Variants in ANKRD12 observed in about 807,000 individuals in gnomAD.
ANKRD12 encodes the protein ankyrin repeat domain-containing protein 12.
In ANKRD12, 85 loss-of-function variants were observed where a neutral mutation model predicts 183.4. The ratio of observed to expected loss-of-function variants is 0.46; its 90% CI spans 0.39 to 0.56. The LOEUF (loss-of-function observed/expected upper bound fraction) is 0.56, where lower values mean the gene tolerates loss of function less well. Among genes scored for constraint, ANKRD12 ranks in the 20% least tolerant of loss-of-function variants. ANKRD12 has a pLI of 0.00. For missense variants in ANKRD12, 2,405 were observed against 2,357.1 expected (o/e 1.02, Z -0.42); for synonymous variants, 914 against 800.2 (o/e 1.14, Z -2.40).
intron 4 of ANKRD12, among the ~76,000 whole-genome samples, chr18:9,208,128 C>T (rs1341004569): frequency 6.6e-6 from 1 of 152,090 alleles, no homozygotes; most frequent in Non-Finnish European, 1.5e-5. Context: ...GTTCAGCTAT[C>T]CTATGACTGG....
chr18:9,275,484 G>GGC (rs780867562), intron 10 of ANKRD12, 40 bp from the exon 11 acceptor site: 1 of 1,583,800 alleles, frequency 6.3e-7, no homozygotes, highest in Non-Finnish European at 8.6e-7. Context: ...ACAAAAATTT[G>GGC]TTGAAGAATT....
At position 9,142,364 on chromosome 18, in the gene ANKRD12, C is replaced by T. The variant is rs1231758605; in HGVS notation, c.-52+5399C>T. On this transcript the variant is annotated intron_variant, in intron 1 of 12. Transcript: ENST00000262126. ...GTCAGCTAATCTGATGATACTGAGC[C>T]ATGGATTGAATCCAGGTTAAAAGTA... Among the ~76,000 whole-genome samples the T allele has an allele frequency of 2.6e-5, 4 of 152,172 alleles. No individual in the cohort carries two copies. In the East Asian group the frequency reaches 7.7e-4, roughly 29 times the overall value.
rs770078271 is a variant in ANKRD12, at chr18:9,254,792, C to G, written c.1525C>G (p.Leu509Val). Residue 509 changes from leucine (L) to valine (V), a missense_variant, in exon 9 of 13, where the codon CTA (leucine) becomes GTA (valine). Transcript: ENST00000262126. The stretch of plus-strand genomic sequence containing the variant: ...AACAAACTTGACAGTAAATACTGGA[C>G]TAGATTGTTCAGAAAAGACCAGAGA... ...RITNLTVNTGLDCSEKTREEG... is the reference protein window; with the variant it reads ...RITNLTVNTGVDCSEKTREEG... The G allele has an allele frequency of 6.7e-7, 1 of 1,485,594 alleles. No individual in the cohort carries two copies. Among genetic ancestry groups the G allele is most frequent in the South Asian group, 1.5e-5 (1 of 66,688 alleles). The allele number at this position is 1,485,594 out of a possible 1,614,324, so 92.0% of individuals were successfully genotyped here. A position where few individuals can be genotyped will look rare whatever the true frequency, so the allele number is the denominator to read the frequency against.
At chr18:9,191,135 A>T (rs1415300492) in intron 2 of ANKRD12, among the ~76,000 whole-genome samples, 1 of 152,218 alleles carries the variant, frequency 6.6e-6, no homozygotes, top group Non-Finnish European at 1.5e-5. Context: ...ATTACGTGTG[A>T]TGGCTGTTGC....
chr18:9,258,140 G>T lies in ANKRD12; in HGVS notation c.4873G>T (p.Asp1625Tyr), dbSNP rs1187095232. The T allele has an allele frequency of 1.9e-6, 3 of 1,613,670 alleles. No individual in the cohort carries two copies. The highest frequency in any genetic ancestry group is 2.5e-6 in the Non-Finnish European group (3 of 1,179,984). Reference sequence around the variant, plus strand: ...CCATGAAGTTGAGAATAGCACAACTGATACTCAGGTCATTTCACATGAAAA... The same window carrying T: ...CCATGAAGTTGAGAATAGCACAACTTATACTCAGGTCATTTCACATGAAAA... ...SGHEVENSTT[D>Y]TQVISHEKEN... The change falls in exon 9 of 13, where the codon GAT becomes TAT. Residue 1625 changes from aspartate (D) to tyrosine (Y), a missense_variant. Around this residue, in one of 7 missense-constraint regions of ANKRD12, gnomAD observed 1,983 missense variants for 1,725.9 expected, o/e 1.15. Transcript: ENST00000262126.
At chr18:9,186,842 C>G (rs998449058) in intron 2 of ANKRD12, among the ~76,000 whole-genome samples, 42 of 151,042 alleles carry the variant, frequency 2.8e-4, no homozygotes, top group Middle Eastern at 3.4e-3. Flanking sequence ...AGCTCCACCT[C>G]CTGGGTTCAC....
chr18:9,255,213 C>A lies in ANKRD12; in HGVS notation c.1946C>A (p.Thr649Lys). 5.8e-6 allele frequency: 9 copies of A among 1,554,984 alleles called. No individual in the cohort carries two copies. The highest frequency in any genetic ancestry group is 2.1e-5 in the Admixed American group (1 of 47,136). ...AAAAAAATGGATAAAGAAGGTAAAA[C>A]ATTAAAAAAACATAAATTGAAGCAT... ...TLKKMDKEGK[T>K]LKKHKLKHKE... Residue 649 changes from threonine to lysine, a missense_variant, in exon 9 of 13, where the codon ACA becomes AAA. By Grantham distance (78) the Thr-to-Lys change is moderately conservative (BLOSUM62 -1). Around this residue, in one of 7 missense-constraint regions of ANKRD12, gnomAD observed 1,983 missense variants for 1,725.9 expected, o/e 1.15. Coordinates refer to ENST00000262126, the MANE Select transcript of ANKRD12 (RefSeq NM_015208.5).
At chr18:9,208,628 A>T (rs375331453) in intron 4 of ANKRD12, 29 bp from the exon 5 acceptor site, 4 of 1,582,042 alleles carry the variant, frequency 2.5e-6, no homozygotes, top group Non-Finnish European at 3.4e-6. Flanking sequence ...ATTTGTTTCA[A>T]ATTCTTACAT....
intron 1 of ANKRD12, among the ~76,000 whole-genome samples, chr18:9,167,650 A>T (rs1350351599): frequency 6.6e-6 from 1 of 152,208 alleles, no homozygotes; most frequent in Non-Finnish European, 1.5e-5. Flanking sequence ...ATACACAATC[A>T]TGTCATCTGC....
intron 1 of ANKRD12, 35 bp from the exon 2 acceptor site, chr18:9,182,344 ATAT>A: frequency 3.5e-6 from 1 of 286,436 alleles, no homozygotes; most frequent in Non-Finnish European, 5.9e-6. Context: ...CCTATTGTAT[ATAT>A]ATTCAAATAA....
At chr18:9,276,612 G>T (rs1025174743) in intron 11 of ANKRD12, among the ~76,000 whole-genome samples, 1 of 152,084 alleles carries the variant, frequency 6.6e-6, no homozygotes, top group African/African-American at 2.4e-5. Context: ...TACCAGGGAG[G>T]CTGAGGTAGG....
intron 8 of ANKRD12, among the ~76,000 whole-genome samples, chr18:9,242,932 G>C (rs2037745719): frequency 1.3e-5 from 2 of 152,098 alleles, no homozygotes; most frequent in African/African-American, 4.8e-5. Flanking sequence ...AGATGTGTAT[G>C]ACTTCTTTTG....
chr18:9,188,734 A>G (rs942647870), intron 2 of ANKRD12, among the ~76,000 whole-genome samples: 2 of 152,118 alleles, frequency 1.3e-5, no homozygotes, highest in South Asian at 2.1e-4. Flanking sequence ...CAACTTTTTC[A>G]TTATCATGAT....
intron 1 of ANKRD12, among the ~76,000 whole-genome samples, chr18:9,181,821 T>G (rs1598476311): frequency 6.6e-6 from 1 of 152,234 alleles, no homozygotes; most frequent in South Asian, 2.1e-4. Context: ...CTGAACAAAT[T>G]GGAAATAAAA....
At chr18:9,220,728 G>A (rs1408002023) in intron 7 of ANKRD12, among the ~76,000 whole-genome samples, 1 of 152,202 alleles carries the variant, frequency 6.6e-6, no homozygotes, top group Non-Finnish European at 1.5e-5. Flanking sequence ...AAAGGGCTGA[G>A]AGAGAAAGCA....
At chr18:9,240,617 C>T (rs2037607279) in intron 8 of ANKRD12, among the ~76,000 whole-genome samples, 1 of 152,144 alleles carries the variant, frequency 6.6e-6, no homozygotes. Flanking sequence ...TTTAAAATGC[C>T]AGTCATTGTC....
chr18:9,204,918 A>T (rs1344899469), intron 4 of ANKRD12, among the ~76,000 whole-genome samples: 1 of 152,226 alleles, frequency 6.6e-6, no homozygotes, highest in East Asian at 1.9e-4. Flanking sequence ...AAGGTATACC[A>T]AGTGTACTGA....
chr18:9,219,463 G>A (rs998172), intron 7 of ANKRD12, among the ~76,000 whole-genome samples: 39,350 of 152,082 alleles, frequency 0.26, 6,311 homozygotes, highest in East Asian at 0.36. Context: ...AAATATTTTG[G>A]AAGATAGAAA....
chr18:9,237,618 G>C (rs2037422326), intron 8 of ANKRD12, among the ~76,000 whole-genome samples: 1 of 152,030 alleles, frequency 6.6e-6, no homozygotes, highest in South Asian at 2.1e-4. Context: ...ATTTTTATAA[G>C]GTATTGTTGA....
Sources: gnomAD v4.1 joint callset for allele counts (sites outside exome capture counted in the v4.1 genomes callset) on GRCh38, gnomAD v4.1.1 for gene constraint, gnomAD v4.1.1 regional missense constraint, MANE v1.5 for transcripts, NCBI Gene and HGNC (gene_info 2026-07-23, HGNC 2026-07-21) for gene names.